The following AKR1C2 variants were observed in gnomAD, a reference collection of about 807,000 sequenced individuals.
The protein encoded by AKR1C2 is aldo-keto reductase family 1 member C2, also known as 3-alpha-HSD3.
A neutral mutation model predicts 39.8 loss-of-function variants in AKR1C2; 27 were observed. The observed-to-expected ratio is 0.68, with a 90% confidence interval of 0.50 to 0.93. The LOEUF is 0.93. AKR1C2 is among the 40% of genes least tolerant of loss of function. The probability of loss-of-function intolerance (pLI) is 0.00; values close to 1 mark genes in which losing one functional copy is unlikely to be tolerated. For synonymous variants in AKR1C2, 114 were observed against 137.9 expected (o/e 0.83, Z 1.22); for missense variants, 263 against 365.1 (o/e 0.72, Z 2.28).
At chr10:5,008,054 A>C (rs1368941745), upstream of AKR1C2, among the ~76,000 whole-genome samples, 2 of 151,486 alleles carry the variant, frequency 1.3e-5, no homozygotes, top group African/African-American at 2.4e-5. Context: ...TGCAGCCCAC[A>C]TGGCTGCTCT....
In AKR1C2 at chr10:4,998,571, G is replaced by C; in HGVS notation, c.570+54C>G. 1.9e-6 allele frequency: 3 copies of C among 1,605,580 alleles called. No homozygotes were observed. The East Asian group carries it at 6.7e-5, about 36-fold the overall frequency. ...CTAAATGAATGGATACTTGGCAATA[G>C]GACAGAAAGAGGGGCATGAAGAACA... is the stretch of plus-strand genomic sequence containing the variant. On this transcript the variant is annotated intron_variant, in intron 5 of 8. Coordinates refer to ENST00000380753, the MANE Select transcript of AKR1C2 (RefSeq NM_001393392.1).
At position 4,998,646 on chromosome 10, in the gene AKR1C2, C is replaced by T. The variant is rs782524750; in HGVS notation, c.549G>A (p.Lys183=). Reference sequence around the variant, plus strand: ...TCACCTGGTTGCAGACAGGCTTGTACTTGAGCCCTGGCTTGTTGAGGATCA... The same window carrying T: ...TCACCTGGTTGCAGACAGGCTTGTATTTGAGCCCTGGCTTGTTGAGGATCA... ...LEMILNKPGL[K]YKPVCNQVEC... The change falls in exon 5 of 9, where the codon AAG becomes AAA. Residue 183 remains lysine, a synonymous_variant. Transcript: ENST00000380753. 8 of 1,614,136 alleles carry T rather than the reference C, an allele frequency of 5.0e-6. No individual in the cohort carries two copies. The highest frequency in any genetic ancestry group is 6.8e-6 in the Non-Finnish European group (8 of 1,180,018).
intron 8 of AKR1C2, 83 bp from the exon 9 acceptor site, chr10:4,990,121 C>T (rs1441165020): frequency 3.9e-6 from 6 of 1,550,094 alleles, no homozygotes; most frequent in South Asian, 3.5e-5. Flanking sequence ...TAGGAAGCTG[C>T]CGCTAGTGTA....
chr10:5,016,152 C>A (rs1554775342), intron 1 of AKR1C2, among the ~76,000 whole-genome samples: 1 of 152,146 alleles, frequency 6.6e-6, no homozygotes, highest in Non-Finnish European at 1.5e-5. Context: ...CCGCCCCAGC[C>A]CCTTCCAAAT....
chr10:4,990,894 T>A (rs1175753986), intron 8 of AKR1C2, among the ~76,000 whole-genome samples: 1 of 151,356 alleles, frequency 6.6e-6, no homozygotes, highest in Non-Finnish European at 1.5e-5. Context: ...ATTTTGTATT[T>A]TCTGCTAAGT....
chr10:5,014,296 C>G (rs1198079044), intron 1 of AKR1C2, among the ~76,000 whole-genome samples: 2 of 152,114 alleles, frequency 1.3e-5, no homozygotes, highest in Non-Finnish European at 2.9e-5. Flanking sequence ...AGCAAAACCT[C>G]TCTCCTATTG....
At position 4,999,003 on chromosome 10, in the gene AKR1C2, C is replaced by T. The variant is rs188628409; in HGVS notation, c.447+197G>A. 5.3e-5 allele frequency among the ~76,000 whole-genome samples: 8 copies of T among 152,242 alleles called. No homozygotes were observed. The East Asian group carries it at 9.6e-4, about 18-fold the overall frequency. ...AGGAAAGAAATCCCAGTCCTCCTTACCCCCAATTCTTCTCCTCCACTTCTC... is the reference window on the plus strand; with the variant it reads ...AGGAAAGAAATCCCAGTCCTCCTTATCCCCAATTCTTCTCCTCCACTTCTC... On this transcript the variant is annotated intron_variant, in intron 4 of 8. Coordinates refer to ENST00000380753, the MANE Select transcript of AKR1C2 (RefSeq NM_001393392.1).
chr10:4,993,900 CTT>C (rs1836927580), intron 7 of AKR1C2, among the ~76,000 whole-genome samples: 1 of 150,794 alleles, frequency 6.6e-6, no homozygotes, highest in Admixed American at 6.6e-5. Context: ...TCTTTCATAA[CTT>C]TTCATTTTTG....
intron 5 of AKR1C2, among the ~76,000 whole-genome samples, chr10:4,997,727 C>T (rs1198160185): frequency 6.6e-6 from 1 of 151,920 alleles, no homozygotes; most frequent in African/African-American, 2.4e-5. Context: ...TATCACAGCA[C>T]CATATCATTA....
At chr10:5,011,324 T>A (rs1453683767) in intron 1 of AKR1C2, among the ~76,000 whole-genome samples, 1 of 152,142 alleles carries the variant, frequency 6.6e-6, no homozygotes, top group Non-Finnish European at 1.5e-5. Context: ...AATTATTGGG[T>A]AAATACAATG....
chr10:4,998,857 G>T, intron 4 of AKR1C2, 110 bp from the exon 5 acceptor site: 1 of 1,506,478 alleles, frequency 6.6e-7, no homozygotes, highest in South Asian at 1.3e-5. Flanking sequence ...AATCAAACTA[G>T]CTAGCCGTGG....
intron 1 of AKR1C2, among the ~76,000 whole-genome samples, chr10:5,002,886 C>A (rs1837314611): frequency 2.0e-5 from 3 of 152,124 alleles, no homozygotes. Flanking sequence ...ATTTATATTA[C>A]AAAATAAACC....
At chr10:4,993,946 T>C (rs1423290473) in intron 7 of AKR1C2, among the ~76,000 whole-genome samples, 1 of 151,772 alleles carries the variant, frequency 6.6e-6, no homozygotes, top group Non-Finnish European at 1.5e-5. Flanking sequence ...AAAATATTTT[T>C]AAAATAATTT....
intron 1 of AKR1C2, among the ~76,000 whole-genome samples, chr10:5,009,833 G>A (rs1167556084): frequency 6.6e-6 from 1 of 150,766 alleles, no homozygotes; most frequent in African/African-American, 2.4e-5. Flanking sequence ...GAAGAGGAGG[G>A]ACATTGGACA....
chr10:4,994,352 G>A (rs1836956484), intron 7 of AKR1C2, among the ~76,000 whole-genome samples: 1 of 152,010 alleles, frequency 6.6e-6, no homozygotes, highest in Non-Finnish European at 1.5e-5. Context: ...TTAGGAACAT[G>A]CCCTCTAACA....
chr10:5,010,378 A>G (rs1837494081), intron 1 of AKR1C2: 1 of 151,922 alleles, frequency 6.6e-6, no homozygotes, highest in Non-Finnish European at 1.5e-5. Flanking sequence ...AGTCTGAGGA[A>G]TGGTAAGCTC....
chr10:4,990,391 T>C (rs1397129421), intron 8 of AKR1C2, among the ~76,000 whole-genome samples: 1 of 152,212 alleles, frequency 6.6e-6, no homozygotes. Context: ...AGGAACTCCT[T>C]CTGCCTTACA....
chr10:4,992,898 C>T (rs1223424141), intron 7 of AKR1C2, among the ~76,000 whole-genome samples: 19 of 151,906 alleles, frequency 1.3e-4, no homozygotes, highest in Non-Finnish European at 2.2e-4. Context: ...TGCAGTGAGC[C>T]GAGTTCGTGC....
At chr10:5,017,725 G>T (rs1837671000) in intron 1 of AKR1C2, among the ~76,000 whole-genome samples, 1 of 152,008 alleles carries the variant, frequency 6.6e-6, no homozygotes, top group Non-Finnish European at 1.5e-5. Flanking sequence ...ACATTTTCAG[G>T]TATCTTTATA....
Sources: gnomAD v4.1 joint callset for allele counts (sites outside exome capture counted in the v4.1 genomes callset) on GRCh38, gnomAD v4.1.1 for gene constraint, MANE v1.5 for transcripts, NCBI Gene and HGNC (gene_info 2026-07-23, HGNC 2026-07-21) for gene names.